Variants in DCAF12 observed in about 807,000 individuals in gnomAD.
DCAF12 encodes DDB1 and CUL4 associated factor 12.
A neutral mutation model predicts 52.8 loss-of-function variants in DCAF12; 28 were observed. The observed-to-expected ratio is 0.53, with a 90% CI of 0.39 to 0.73. The LOEUF (loss-of-function observed/expected upper bound fraction) is 0.73, where lower values mean the gene tolerates loss of function less well. DCAF12 is among the 30% of genes least tolerant of loss of function. DCAF12 has a pLI of 0.00. For synonymous variants in DCAF12, 196 were observed against 215.5 expected (o/e 0.91, Z 0.79); for missense variants, 425 against 552.2 (o/e 0.77, Z 2.31).
At chr9:34,125,647 G>C (rs1001736533) in intron 1 of DCAF12, 3 of 471,824 alleles carry the variant, frequency 6.4e-6, no homozygotes, top group Non-Finnish European at 1.3e-5. Context: ...CTCCCTCTCA[G>C]TCTGTACTCC....
At chr9:34,105,934 G>C (rs56127807) in intron 4 of DCAF12, among the ~76,000 whole-genome samples, 1 of 151,884 alleles carries the variant, frequency 6.6e-6, no homozygotes, top group African/African-American at 2.4e-5. Flanking sequence ...ACTTTTAGTA[G>C]AGACAGGGTT....
chr9:34,113,595 C>T (rs1371240282), intron 2 of DCAF12, among the ~76,000 whole-genome samples: 1 of 152,120 alleles, frequency 6.6e-6, no homozygotes, highest in Non-Finnish European at 1.5e-5. Context: ...TCATCTCAGC[C>T]TCCCAAAGTG....
chr9:34,115,270 G>A (rs1829066197), intron 2 of DCAF12, among the ~76,000 whole-genome samples: 1 of 151,710 alleles, frequency 6.6e-6, no homozygotes. Flanking sequence ...AACAGAAAAT[G>A]GACAGACAAT....
chr9:34,126,425 G>C lies in DCAF12; in HGVS notation c.7C>G (p.Arg3Gly), dbSNP rs747897847. MA[R>G]KVVSRKRKAP... ...TTCCGCTTCCTGCTAACTACTTTCC[G>C]GGCCATAGTGGGCAGCGCCGCCGCG... The change falls in exon 1 of 9, where the codon CGG (arginine) becomes GGG (glycine). Residue 3 changes from arginine (R) to glycine (G), a missense_variant. By Grantham distance (125) the Arg-to-Gly change is moderately radical (BLOSUM62 -2). This residue lies in a region of DCAF12 where 89 missense variants were observed against 84.9 expected (regional missense o/e 1.05). Coordinates refer to ENST00000361264, the MANE Select transcript of DCAF12 (RefSeq NM_015397.4). 5.0e-6 allele frequency: 8 copies of C among 1,606,698 alleles called. No individual in the cohort carries two copies. In the African/African-American group the frequency reaches 5.3e-5, roughly 11 times the overall value.
At chr9:34,123,840 G>T (rs930339125) in intron 2 of DCAF12, among the ~76,000 whole-genome samples, 7 of 152,030 alleles carry the variant, frequency 4.6e-5, no homozygotes, top group African/African-American at 1.4e-4. Context: ...TCTTAACCAC[G>T]AGTGGGCAGC....
intron 2 of DCAF12, among the ~76,000 whole-genome samples, chr9:34,119,477 G>A (rs1564102868): frequency 6.6e-6 from 1 of 151,950 alleles, no homozygotes; most frequent in Admixed American, 6.6e-5. Context: ...TGAATTCTTC[G>A]CACATTACAG....
At chr9:34,097,745 C>T (rs557867101) in intron 5 of DCAF12, among the ~76,000 whole-genome samples, 68 of 151,890 alleles carry the variant, frequency 4.5e-4, no homozygotes, top group African/African-American at 1.6e-3. Context: ...CCAGCCTGGC[C>T]AACATGGTGA....
rs1587744299 is a variant in DCAF12, at chr9:34,124,977, T to C, written c.333+46A>G. ...AGAGGTTCTAGAGCAAGTGGAGCAA[T>C]ATATCCACGACCTAGGAGAGAGGTC... On this transcript the variant is annotated intron_variant, in intron 2 of 8. Coordinates refer to ENST00000361264, the MANE Select transcript of DCAF12 (RefSeq NM_015397.4). The C allele has an allele frequency of 2.5e-6, 4 of 1,599,668 alleles. No individual in the cohort carries two copies. The East Asian group carries it at 9.0e-5, about 36-fold the overall frequency.
At chr9:34,113,355 AT>A (rs370233627) in intron 2 of DCAF12, among the ~76,000 whole-genome samples, 73 of 151,702 alleles carry the variant, frequency 4.8e-4, no homozygotes, top group African/African-American at 1.7e-3. Context: ...CGCGGCCTGA[AT>A]TTTTTCTTAT....
intron 2 of DCAF12, among the ~76,000 whole-genome samples, chr9:34,111,110 C>A (rs1218067996): frequency 2.0e-5 from 3 of 151,630 alleles, no homozygotes; most frequent in African/African-American, 7.3e-5. Context: ...TTCAGCCCTC[C>A]GAGCAGCTGG....
At chr9:34,107,325 G>A in intron 3 of DCAF12, 34 bp downstream of exon 3, 1 of 1,599,862 alleles carries the variant, frequency 6.3e-7, no homozygotes, top group Non-Finnish European at 8.6e-7. Context: ...TAAAAACAAG[G>A]CTCCCTCCAA....
At chr9:34,116,807 G>A (rs1353760208) in intron 2 of DCAF12, among the ~76,000 whole-genome samples, 1 of 151,934 alleles carries the variant, frequency 6.6e-6, no homozygotes, top group Non-Finnish European at 1.5e-5. Context: ...ATGGCGAAAC[G>A]CCATCTCTAC....
At position 34,087,139 on chromosome 9, in the gene DCAF12, C is replaced by G. The variant is rs1295613900; in HGVS notation, c.*1211G>C. ...CACAATGATGCTGACTGCAGGCCAG[C>G]CTGTCACCATCTCAGGGCTAAGCCA... is the stretch of plus-strand genomic sequence containing the variant. On this transcript the variant is annotated 3_prime_UTR_variant, in exon 9 of 9. Coordinates refer to ENST00000361264, the MANE Select transcript of DCAF12 (RefSeq NM_015397.4). 6.6e-6 allele frequency: 1 copy of G among 152,224 alleles called. No individual in the cohort carries two copies. Among genetic ancestry groups the G allele is most frequent in the East Asian group, 1.9e-4 (1 of 5,206 alleles). The allele number at this position is 152,224 out of a possible 1,614,324, so 9.4% of individuals were successfully genotyped here.
intron 4 of DCAF12, among the ~76,000 whole-genome samples, chr9:34,104,228 C>T (rs746294028): frequency 3.3e-5 from 5 of 151,722 alleles, no homozygotes; most frequent in Non-Finnish European, 5.9e-5. Flanking sequence ...TGCACTCCAG[C>T]CTGGGCGACA....
At chr9:34,115,899 AAGGTAG>A (rs1829081299) in intron 2 of DCAF12, among the ~76,000 whole-genome samples, 9 of 152,184 alleles carry the variant, frequency 5.9e-5, no homozygotes, top group African/African-American at 1.9e-4. Context: ...TAACGGCGAT[AAGGTAG>A]TTCACTGCAT....
At chr9:34,111,274 G>T (rs1828999189) in intron 2 of DCAF12, among the ~76,000 whole-genome samples, 1 of 152,004 alleles carries the variant, frequency 6.6e-6, no homozygotes, top group Admixed American at 6.6e-5. Flanking sequence ...GTGAGCCACC[G>T]CACCCAGCCT....
chr9:34,124,951 C>CA, intron 2 of DCAF12, 72 bp downstream of exon 2: 1 of 1,556,934 alleles, frequency 6.4e-7, no homozygotes, highest in Non-Finnish European at 8.7e-7. Flanking sequence ...GGAAAACTAG[C>CA]AGAGGTTCTA....
At chr9:34,094,169 C>G (rs1391054280) in intron 6 of DCAF12, among the ~76,000 whole-genome samples, 1 of 152,082 alleles carries the variant, frequency 6.6e-6, no homozygotes, top group Non-Finnish European at 1.5e-5. Flanking sequence ...CTTTGGGAGG[C>G]TAAGGCAGGC....
chr9:34,093,195 C>T, intron 7 of DCAF12, 91 bp downstream of exon 7: 1 of 1,486,976 alleles, frequency 6.7e-7, no homozygotes, highest in Non-Finnish European at 9.3e-7. Flanking sequence ...ATACAGAGCA[C>T]TATACCTGTT....
Sources: allele counts gnomAD v4.1 joint callset (sites outside exome capture counted in the v4.1 genomes callset), GRCh38; gene constraint gnomAD v4.1.1; regional missense constraint gnomAD v4.1.1; transcripts MANE v1.5; gene names NCBI Gene and HGNC (gene_info 2026-07-23, HGNC 2026-07-21).